The following PARD3 variants were observed in gnomAD, a reference collection of about 807,000 sequenced individuals.
PARD3 encodes partitioning defective 3 homolog.
In PARD3, 75 loss-of-function variants were observed where a neutral mutation model predicts 155.4. That is an observed-to-expected ratio of 0.48 (90% CI 0.40 to 0.58). PARD3 has a LOEUF of 0.58. Among genes scored for constraint, PARD3 ranks in the 20% least tolerant of loss-of-function variants. The pLI, the probability that PARD3 is intolerant of heterozygous loss-of-function variation, is 0.00. For missense variants in PARD3, 1,642 were observed against 1,721.7 expected, an observed-to-expected ratio of 0.95 and a Z score of 0.82; for synonymous variants, 576 against 610.5, an observed-to-expected ratio of 0.94 and a Z score of 0.83.
intron 2 of PARD3, among the ~76,000 whole-genome samples, chr10:34,605,724 CTA>C (rs1349168845): frequency 4.6e-4 from 6 of 12,928 alleles, no homozygotes; most frequent in Non-Finnish European, 1.0e-3. Flanking sequence ...TATATATCTC[CTA>C]TATATATATC....
At chr10:34,159,741 G>GC in intron 22 of PARD3, among the ~76,000 whole-genome samples, 1 of 152,174 alleles carries the variant, frequency 6.6e-6, no homozygotes, top group Non-Finnish European at 1.5e-5. Context: ...AGGCACTTGG[G>GC]CCTCACAACA....
intron 5 of PARD3, among the ~76,000 whole-genome samples, chr10:34,411,163 G>A (rs1845008885): frequency 6.6e-6 from 1 of 152,076 alleles, no homozygotes. Context: ...TGGGGGAGGA[G>A]GGAGATAGGG....
At chr10:34,251,697 A>C (rs1482750599) in intron 22 of PARD3, among the ~76,000 whole-genome samples, 3 of 152,340 alleles carry the variant, frequency 2.0e-5, no homozygotes, top group Non-Finnish European at 2.9e-5. Context: ...GAAACCTACA[A>C]GAATTATAAG....
intron 22 of PARD3, among the ~76,000 whole-genome samples, chr10:34,209,264 T>C (rs1185634536): frequency 6.6e-6 from 1 of 152,204 alleles, no homozygotes; most frequent in Non-Finnish European, 1.5e-5. Context: ...AGGAAATTTC[T>C]CATCAAAAAT....
At chr10:34,672,098 T>C (rs2093620485) in intron 2 of PARD3, among the ~76,000 whole-genome samples, 1 of 151,800 alleles carries the variant, frequency 6.6e-6, no homozygotes, top group Non-Finnish European at 1.5e-5. Context: ...AGCCCAGGAG[T>C]TCGAGGCTGC....
intron 1 of PARD3, among the ~76,000 whole-genome samples, chr10:34,745,447 A>AGAGAGAGG (rs1449690126): frequency 1.2e-4 from 15 of 128,836 alleles, no homozygotes; most frequent in African/African-American, 4.6e-4. Context: ...AGAGAGGGAA[A>AGAGAGAGG]GAGAGAGAAA....
chr10:34,395,957 G>A (rs1355077745), intron 7 of PARD3, among the ~76,000 whole-genome samples: 1 of 152,118 alleles, frequency 6.6e-6, no homozygotes, highest in East Asian at 1.9e-4. Context: ...TAAGACAGGG[G>A]TTGGAGGACG....
At chr10:34,377,366 T>C (rs1166891637) in intron 10 of PARD3, among the ~76,000 whole-genome samples, 2 of 152,186 alleles carry the variant, frequency 1.3e-5, no homozygotes, top group African/African-American at 4.8e-5. Context: ...CCCAGCATTT[T>C]GGGAGGCCAA....
At chr10:34,449,884 A>C (rs956160589) in intron 5 of PARD3, among the ~76,000 whole-genome samples, 1 of 152,336 alleles carries the variant, frequency 6.6e-6, no homozygotes, top group African/African-American at 2.4e-5. Context: ...TCTAAATTCT[A>C]AAACAACACC....
At chr10:34,660,201 T>A (rs552620175) in intron 2 of PARD3, among the ~76,000 whole-genome samples, 1 of 152,276 alleles carries the variant, frequency 6.6e-6, no homozygotes, top group East Asian at 1.9e-4. Flanking sequence ...TTCCCCTGCC[T>A]CTCCCTCCAT....
chr10:34,134,245 G>A (rs933761627), intron 22 of PARD3, among the ~76,000 whole-genome samples: 8 of 152,320 alleles, frequency 5.3e-5, no homozygotes, highest in African/African-American at 1.9e-4. Flanking sequence ...AGACAGGAAA[G>A]TGGGCATTCC....
chr10:34,637,492 A>G (rs190458690), intron 2 of PARD3, among the ~76,000 whole-genome samples: 10 of 152,354 alleles, frequency 6.6e-5, no homozygotes, highest in Admixed American at 3.9e-4. Flanking sequence ...GACCAGTCGC[A>G]GAGGCTCCGA....
chr10:34,362,696 T>C (rs1839567745), intron 12 of PARD3, among the ~76,000 whole-genome samples: 1 of 152,184 alleles, frequency 6.6e-6, no homozygotes, highest in African/African-American at 2.4e-5. Context: ...GGTTTCACCA[T>C]GTTGGCCAGG....
intron 3 of PARD3, among the ~76,000 whole-genome samples, chr10:34,475,914 C>T (rs1248579265): frequency 6.6e-6 from 1 of 152,004 alleles, no homozygotes; most frequent in Non-Finnish European, 1.5e-5. Flanking sequence ...TTTTTCTGTC[C>T]GTATTTCAAA....
rs191976424 is a variant in PARD3 at position 34,205,914 on chromosome 10, T to C, written c.3419+63743A>G. Among the ~76,000 whole-genome samples, 28 of 152,294 alleles carry C rather than the reference T, an allele frequency of 1.8e-4. No individual in the cohort carries two copies. In the East Asian group the frequency reaches 5.4e-3, roughly 29 times the overall value. On this transcript the variant is annotated intron_variant, in intron 22 of 24. Coordinates refer to ENST00000374788, the MANE Select transcript of PARD3 (RefSeq NM_001184785.2). ...CTGCGCATCTGATGGCTGCTGCCAC[T>C]AAACTACAGCACTTCATGGCTGAGG...
At chr10:34,573,245 A>T (rs2086578349) in intron 2 of PARD3, among the ~76,000 whole-genome samples, 1 of 151,990 alleles carries the variant, frequency 6.6e-6, no homozygotes, top group Admixed American at 6.6e-5. Context: ...AGTCCCAGCT[A>T]CTCAAGAGGC....
chr10:34,414,072 C>A (rs990480555), intron 5 of PARD3, among the ~76,000 whole-genome samples: 1 of 151,962 alleles, frequency 6.6e-6, no homozygotes, highest in African/African-American at 2.4e-5. Context: ...GTAACACGTG[C>A]CTATAGTCTC....
intron 22 of PARD3, among the ~76,000 whole-genome samples, chr10:34,236,120 T>C (rs574118191): frequency 6.6e-6 from 1 of 152,268 alleles, no homozygotes; most frequent in African/African-American, 2.4e-5. Context: ...TTTTGGGGTA[T>C]GTGACGGCTA....
At chr10:34,651,493 C>T (rs111281078) in intron 2 of PARD3, among the ~76,000 whole-genome samples, 27 of 152,370 alleles carry the variant, frequency 1.8e-4, no homozygotes, top group African/African-American at 6.5e-4. Flanking sequence ...ACAGAGACTA[C>T]TGCTCTGGGC....
Sources: gnomAD v4.1 joint callset for allele counts (sites outside exome capture counted in the v4.1 genomes callset) on GRCh38, gnomAD v4.1.1 for gene constraint, MANE v1.5 for transcripts, NCBI Gene and HGNC (gene_info 2026-07-23, HGNC 2026-07-21) for gene names.